CARMIL1: variants seen among roughly 807,000 people sequenced by gnomAD.
CARMIL1 encodes the protein F-actin-uncapping protein LRRC16A.
CARMIL1 carries 90 observed loss-of-function variants against 177.1 expected under a neutral mutation model. The observed-to-expected ratio is 0.51, with a 90% CI of 0.43 to 0.61. The LOEUF (loss-of-function observed/expected upper bound fraction) is 0.61. Among genes scored for constraint, CARMIL1 ranks in the 20% least tolerant of loss-of-function variants. The probability of loss-of-function intolerance (pLI) is 0.00; values close to 1 mark genes in which losing one functional copy is unlikely to be tolerated. For missense variants in CARMIL1, 1,380 were observed against 1,667.0 expected, an observed-to-expected ratio of 0.83 and a Z score of 3.00; for synonymous variants, 577 against 606.2, an observed-to-expected ratio of 0.95 and a Z score of 0.71.
chr6:25,599,913 TGGAAG>T (rs1815224824), intron 32 of CARMIL1, among the ~76,000 whole-genome samples: 1 of 152,096 alleles, frequency 6.6e-6, no homozygotes, highest in Non-Finnish European at 1.5e-5. Flanking sequence ...AATTTCTACT[TGGAAG>T]GGAGAAAATT....
intron 31 of CARMIL1, 24 bp downstream of exon 31, chr6:25,581,463 C>A: frequency 6.3e-7 from 1 of 1,578,580 alleles, no homozygotes. Context: ...AGGAGAGGCC[C>A]CATCTCTCCC....
chr6:25,313,824 C>A (rs1261925882), intron 2 of CARMIL1, among the ~76,000 whole-genome samples: 1 of 151,600 alleles, frequency 6.6e-6, no homozygotes, highest in Non-Finnish European at 1.5e-5. Context: ...TCTTGCCTTT[C>A]AACTGTTTTT....
At chr6:25,392,994 A>G (rs761763082) in intron 2 of CARMIL1, among the ~76,000 whole-genome samples, 4 of 151,574 alleles carry the variant, frequency 2.6e-5, no homozygotes, top group Non-Finnish European at 5.9e-5. Context: ...GTTACTAACT[A>G]TGGCACTAGG....
At chr6:25,586,770 C>T (rs1450142201) in intron 31 of CARMIL1, among the ~76,000 whole-genome samples, 3 of 152,004 alleles carry the variant, frequency 2.0e-5, no homozygotes, top group Non-Finnish European at 2.9e-5. Flanking sequence ...CCGGCCAACA[C>T]GGCGAAACCC....
intron 2 of CARMIL1, among the ~76,000 whole-genome samples, chr6:25,414,518 G>T (rs1479433386): frequency 2.0e-5 from 3 of 152,148 alleles, no homozygotes; most frequent in African/African-American, 7.2e-5. Flanking sequence ...TAAATCCTCT[G>T]AAGCTTTAAA....
chr6:25,369,379 G>GTTTT (rs5875032), intron 2 of CARMIL1, among the ~76,000 whole-genome samples: 25 of 140,846 alleles, frequency 1.8e-4, no homozygotes, highest in Non-Finnish European at 2.1e-4. Flanking sequence ...GCTGTATTTT[G>GTTTT]TTTTTTTTTT....
Position 25,279,705 on chromosome 6 carries a change from CCT to C in CARMIL1, c.-86_-85del, listed in dbSNP as rs1327093805. The C allele has an allele frequency of 5.7e-6, 7 of 1,227,910 alleles. No homozygotes were observed. The highest frequency in any genetic ancestry group is 8.5e-6 in the Non-Finnish European group (7 of 827,850). The allele number at this position is 1,227,910 out of a possible 1,614,324, so 76.1% of individuals were successfully genotyped here. ...CACTTCCATTTGCAAGCTGCATCTG[CCT>C]CTCTAAAAAAATTGAGGAGTTCGGG... On this transcript the variant is annotated 5_prime_UTR_variant, in exon 1 of 37. Coordinates refer to ENST00000329474, the MANE Select transcript of CARMIL1 (RefSeq NM_017640.6).
At chr6:25,318,766 C>A (rs762691715) in intron 2 of CARMIL1, among the ~76,000 whole-genome samples, 5 of 152,122 alleles carry the variant, frequency 3.3e-5, no homozygotes, top group Non-Finnish European at 7.4e-5. Context: ...ATTAGGAAGG[C>A]GAGTCAGGAA....
rs749447759 is a variant in CARMIL1, at chr6:25,553,994, T to C, written c.2505-15T>C. 2 of 1,562,336 alleles carry C rather than the reference T, an allele frequency of 1.3e-6. No individual in the cohort carries two copies. Among genetic ancestry groups the C allele is most frequent in the African/African-American group, 2.7e-5 (2 of 73,988 alleles). The stretch of plus-strand genomic sequence containing the variant: ...CAAATTAAAATGGTACTCTGTCCTT[T>C]TGATTTTCACACAGTGAAGTAAAAT... On this transcript the variant is annotated splice_polypyrimidine_tract_variant and intron_variant, in intron 27 of 36. Transcript: ENST00000329474.
intron 17 of CARMIL1, among the ~76,000 whole-genome samples, chr6:25,506,756 T>C (rs1051120710): frequency 6.6e-6 from 1 of 152,206 alleles, no homozygotes; most frequent in African/African-American, 2.4e-5. Flanking sequence ...AAAAAATTAC[T>C]ATTGGAACCC....
intron 23 of CARMIL1, among the ~76,000 whole-genome samples, chr6:25,523,678 A>G (rs766269214): frequency 2.0e-5 from 3 of 152,214 alleles, no homozygotes; most frequent in Admixed American, 6.5e-5. Context: ...CAACAAAAAA[A>G]TCTGAACAAA....
chr6:25,463,548 G>A (rs920908053), intron 8 of CARMIL1, among the ~76,000 whole-genome samples: 2 of 152,158 alleles, frequency 1.3e-5, no homozygotes, highest in African/African-American at 4.8e-5. Context: ...ACAAAAAGTG[G>A]TTCTGAAGTG....
At chr6:25,539,734 C>G (rs943358797) in intron 25 of CARMIL1, among the ~76,000 whole-genome samples, 1 of 151,398 alleles carries the variant, frequency 6.6e-6, no homozygotes, top group African/African-American at 2.4e-5. Context: ...TCTCCTAATA[C>G]CCAGTCTAGT....
At position 25,586,832 on chromosome 6, in the gene CARMIL1, C is replaced by T. The variant is rs372881534; in HGVS notation, c.3006+5393C>T. 2.6e-5 allele frequency among the ~76,000 whole-genome samples: 4 copies of T among 152,206 alleles called. No individual in the cohort carries two copies. In the East Asian group the frequency reaches 5.8e-4, roughly 22 times the overall value. The stretch of plus-strand genomic sequence containing the variant: ...AGTCAGGCGTGGCGGCGCGCGCCTG[C>T]AATCCCAGGCACTCGGCAGGCTGAG... On this transcript the variant is annotated intron_variant, in intron 31 of 36. Coordinates refer to ENST00000329474, the MANE Select transcript of CARMIL1 (RefSeq NM_017640.6).
At chr6:25,459,529 G>T (rs1799957255) in intron 8 of CARMIL1, among the ~76,000 whole-genome samples, 1 of 151,812 alleles carries the variant, frequency 6.6e-6, no homozygotes, top group Admixed American at 6.6e-5. Context: ...TGGGATTACA[G>T]GTGTGAGTCA....
chr6:25,382,247 G>C (rs772609962), intron 2 of CARMIL1, among the ~76,000 whole-genome samples: 1 of 152,014 alleles, frequency 6.6e-6, no homozygotes, highest in Non-Finnish European at 1.5e-5. Context: ...ACAGGTGTAC[G>C]TCACCACGTC....
At chr6:25,524,000 A>G (rs1414697070) in intron 23 of CARMIL1, among the ~76,000 whole-genome samples, 1 of 152,146 alleles carries the variant, frequency 6.6e-6, no homozygotes, top group Non-Finnish European at 1.5e-5. Context: ...CGCAGTAAAG[A>G]TTGGAGAAAA....
At chr6:25,424,492 A>G (rs1327611317) in intron 3 of CARMIL1, among the ~76,000 whole-genome samples, 2 of 152,186 alleles carry the variant, frequency 1.3e-5, no homozygotes, top group African/African-American at 4.8e-5. Context: ...AGCTGTTAGC[A>G]TGTAAGAGAG....
At chr6:25,377,468 A>G (rs1462675912) in intron 2 of CARMIL1, among the ~76,000 whole-genome samples, 1 of 152,158 alleles carries the variant, frequency 6.6e-6, no homozygotes, top group African/African-American at 2.4e-5. Context: ...TGCAACTCTT[A>G]TCTGGGTCTA....
Sources: gnomAD v4.1 joint callset for allele counts (sites outside exome capture counted in the v4.1 genomes callset) on GRCh38, gnomAD v4.1.1 for gene constraint, MANE v1.5 for transcripts, NCBI Gene and HGNC (gene_info 2026-07-23, HGNC 2026-07-21) for gene names.